PPM1A: variants seen among roughly 807,000 people sequenced by gnomAD.
PPM1A encodes the protein protein phosphatase 1A.
Under a neutral mutation model 35.0 loss-of-function variants are expected in PPM1A, and 7 were observed. The ratio of observed to expected loss-of-function variants is 0.20; its 90% confidence interval spans 0.11 to 0.38. The LOEUF (loss-of-function observed/expected upper bound fraction) is 0.38. Ranked by LOEUF, PPM1A falls within the 10% of genes least tolerant of loss-of-function variation. PPM1A has a pLI of 1.00. For missense variants in PPM1A, 239 were observed against 467.8 expected (o/e 0.51, Z 4.51); for synonymous variants, 153 against 167.3 (o/e 0.91, Z 0.66).
In PPM1A at chr14:60,249,680, A is replaced by T; in HGVS notation, c.-21+3A>T. 1 of 982,304 alleles carries T rather than the reference A, an allele frequency of 1.0e-6. No homozygotes were observed. The highest frequency in any genetic ancestry group is 1.2e-6 in the Non-Finnish European group (1 of 829,094). The allele number at this position is 982,304 out of a possible 1,614,324, so 60.8% of individuals were successfully genotyped here. A position where few individuals can be genotyped will look rare whatever the true frequency, so the allele number is the denominator to read the frequency against. On this transcript the variant is annotated splice_donor_region_variant and intron_variant, in intron 1 of 5. Coordinates refer to ENST00000395076, the MANE Select transcript of PPM1A (RefSeq NM_021003.5). This position sits in a 1 kb window ranked among gnomAD's most constrained non-coding sequence, Gnocchi z 4.5. ...CTGCCCGCCTGCGGCTGCTCCGGGT[A>T]AGTGCGGCGCTCGGGCCGACGGCGG...
rs1888266699 is a variant in PPM1A, at chr14:60,299,033, A to G, written c.*6551A>G. The G allele has an allele frequency of 1.3e-5, 2 of 151,902 alleles. No individual in the cohort carries two copies. The highest frequency in any genetic ancestry group is 1.3e-4 in the Admixed American group (2 of 15,240). 9.4% of individuals were successfully genotyped at this position (151,902 alleles called of 1,614,324 possible). On this transcript the variant is annotated 3_prime_UTR_variant, in exon 6 of 6. Coordinates refer to ENST00000395076, the MANE Select transcript of PPM1A (RefSeq NM_021003.5). This position sits in a 1 kb window ranked among gnomAD's most constrained non-coding sequence, Gnocchi z 4.2. ...AGATTGTATGTTAGATGAAAAGTAG[A>G]AATAATTTCTAGTTTGGAAAACTGG...
chr14:60,257,604 G>T (rs1348097277), intron 1 of PPM1A, among the ~76,000 whole-genome samples: 2 of 152,124 alleles, frequency 1.3e-5, no homozygotes, highest in African/African-American at 2.4e-5. Context: ...TGTTATTCAA[G>T]AATTGTCTAT....
intron 1 of PPM1A, among the ~76,000 whole-genome samples, chr14:60,263,230 C>G (rs965075172): frequency 6.6e-6 from 1 of 151,976 alleles, no homozygotes; most frequent in Non-Finnish European, 1.5e-5. Flanking sequence ...AAAAAAAGTT[C>G]CTGGGCTTCA....
At chr14:60,257,879 T>C (rs1883318036) in intron 1 of PPM1A, among the ~76,000 whole-genome samples, 2 of 152,204 alleles carry the variant, frequency 1.3e-5, no homozygotes, top group Admixed American at 6.5e-5. Context: ...AAAAACATCT[T>C]TGCAGTATGC....
In PPM1A at chr14:60,266,981, A is replaced by G. The variant is rs190776636; in HGVS notation, c.-20-15703A>G. 3.9e-5 allele frequency among the ~76,000 whole-genome samples: 6 copies of G among 152,178 alleles called. No individual in the cohort carries two copies. In the East Asian group the frequency reaches 9.6e-4, roughly 24 times the overall value. On this transcript the variant is annotated intron_variant, in intron 1 of 5. Coordinates refer to ENST00000395076, the MANE Select transcript of PPM1A (RefSeq NM_021003.5). ...GTTCTATTTCTTGTTATTTATTTAG[A>G]TATACTTTTATTTCTGTTTTAACTT... is the stretch of plus-strand genomic sequence containing the variant.
intron 1 of PPM1A, chr14:60,277,475 T>C (rs185002185): frequency 2.0e-5 from 3 of 152,216 alleles, no homozygotes; most frequent in Admixed American, 2.0e-4. Context: ...CCTAAAATTT[T>C]GTTAGATGGT....
intron 1 of PPM1A, chr14:60,268,509 AT>A: frequency 1.8e-6 from 1 of 569,322 alleles, no homozygotes; most frequent in Non-Finnish European, 2.2e-6. Flanking sequence ...TACCTATTTT[AT>A]TTTTTTCACA....
rs755806358 is a variant in PPM1A, at chr14:60,282,858, C to T, written c.155C>T (p.Ser52Leu). ...AVIGLPSGLE[S>L]WSFFAVYDGH... The stretch of plus-strand genomic sequence containing the variant: ...ATCGGTTTGCCAAGTGGACTTGAAT[C>T]GTGGTCATTCTTTGCTGTGTATGAT... The change falls in exon 2 of 6, where the codon TCG (serine) becomes TTG (leucine). Residue 52 changes from serine to leucine, a missense_variant. Physicochemically the swap from Ser to Leu is moderately radical, Grantham distance 145. Transcript: ENST00000395076. This position sits in a 1 kb window ranked among gnomAD's most constrained non-coding sequence, Gnocchi z 5.1. 63 of 1,614,096 alleles carry T rather than the reference C, an allele frequency of 3.9e-5. No individual in the cohort carries two copies. The highest frequency in any genetic ancestry group is 5.3e-5 in the African/African-American group (4 of 74,938).
Position 60,289,975 on chromosome 14 carries a change from A to G in PPM1A, c.1061+61A>G. 8.6e-7 allele frequency: 1 copy of G among 1,158,506 alleles called. No homozygotes were observed. Among genetic ancestry groups the G allele is most frequent in the Non-Finnish European group, 1.2e-6 (1 of 824,522 alleles). The allele number at this position is 1,158,506 out of a possible 1,614,324, so 71.8% of individuals were successfully genotyped here. ...CAGTGTATGAAAATGTTAGGTATTC[A>G]TTGATAAAATGTTTGTTTGCCTAAT... On this transcript the variant is annotated intron_variant, in intron 4 of 5. Coordinates refer to ENST00000395076, the MANE Select transcript of PPM1A (RefSeq NM_021003.5). This position sits in a 1 kb window ranked among gnomAD's most constrained non-coding sequence, Gnocchi z 4.1.
At chr14:60,284,801 C>T (rs919249880) in intron 2 of PPM1A, among the ~76,000 whole-genome samples, 5 of 150,586 alleles carry the variant, frequency 3.3e-5, no homozygotes, top group Non-Finnish European at 7.4e-5. Context: ...ATGACGTGTA[C>T]AGGGTTTTAT....
intron 1 of PPM1A, among the ~76,000 whole-genome samples, chr14:60,272,639 C>G (rs1466640818): frequency 7.4e-6 from 1 of 135,814 alleles, no homozygotes; most frequent in Non-Finnish European, 1.5e-5. Context: ...AGCCGGGAGC[C>G]AAGATCATGC....
chr14:60,278,572 G>C (rs980154566), intron 1 of PPM1A, among the ~76,000 whole-genome samples: 2 of 152,128 alleles, frequency 1.3e-5, no homozygotes, highest in Non-Finnish European at 2.9e-5. Context: ...TGTCTTCCCA[G>C]AGAGAAACTA....
upstream of PPM1A, among the ~76,000 whole-genome samples, chr14:60,246,694 G>T (rs1258348481): frequency 6.6e-6 from 1 of 151,754 alleles, no homozygotes; most frequent in Non-Finnish European, 1.5e-5. Flanking sequence ...GGGATATGAT[G>T]ATATTAAACA....
chr14:60,251,287 A>G (rs1325780073), intron 1 of PPM1A, among the ~76,000 whole-genome samples: 1 of 152,266 alleles, frequency 6.6e-6, no homozygotes, highest in African/African-American at 2.4e-5. Context: ...ATTATGGGAA[A>G]GGTGTATTAA....
At chr14:60,271,852 G>A (rs1885168469) in intron 1 of PPM1A, among the ~76,000 whole-genome samples, 1 of 151,760 alleles carries the variant, frequency 6.6e-6, no homozygotes, top group African/African-American at 2.4e-5. Context: ...ATTTACCTAG[G>A]TATTCCTAGA....
intron 1 of PPM1A, among the ~76,000 whole-genome samples, chr14:60,279,604 G>A (rs896244703): frequency 6.6e-6 from 1 of 152,156 alleles, no homozygotes; most frequent in African/African-American, 2.4e-5. Context: ...ACTAGCTGTT[G>A]CCAGTTGCAA....
chr14:60,251,069 T>G (rs920937814), intron 1 of PPM1A, among the ~76,000 whole-genome samples: 2 of 152,268 alleles, frequency 1.3e-5, no homozygotes, highest in African/African-American at 2.4e-5. Flanking sequence ...CAAAGTAACA[T>G]TTCCTAGTGT....
At position 60,281,899 on chromosome 14, in the gene PPM1A, T is replaced by G. The variant is rs1033118407; in HGVS notation, c.-20-785T>G. On this transcript the variant is annotated intron_variant, in intron 1 of 5. Transcript: ENST00000395076. ...ATGTTATTACTATATGATTAATAGA[T>G]TACTAGTAGTAATTTTGTTATATAT... 5.3e-5 allele frequency among the ~76,000 whole-genome samples: 8 copies of G among 152,346 alleles called. No homozygotes were observed. The East Asian group carries it at 1.5e-3, about 29-fold the overall frequency.
chr14:60,285,400 C>G (rs1248958001), intron 2 of PPM1A, among the ~76,000 whole-genome samples: 1 of 152,106 alleles, frequency 6.6e-6, no homozygotes, highest in Non-Finnish European at 1.5e-5. Context: ...TCTCTCCTGT[C>G]TTTTGGAGTA....
Sources: gnomAD v4.1 joint callset for allele counts (sites outside exome capture counted in the v4.1 genomes callset) on GRCh38, gnomAD v4.1.1 for gene constraint, Gnocchi (gnomAD v3.1) non-coding constraint, MANE v1.5 for transcripts, NCBI Gene and HGNC (gene_info 2026-07-23, HGNC 2026-07-21) for gene names.